The following USP24 variants were observed in gnomAD, a reference collection of about 807,000 sequenced individuals.
USP24 encodes ubiquitin carboxyl-terminal hydrolase 24.
USP24 carries 97 observed loss-of-function variants against 361.6 expected under a neutral mutation model. The ratio of observed to expected loss-of-function variants is 0.27; its 90% CI spans 0.23 to 0.32. The LOEUF (loss-of-function observed/expected upper bound fraction) is 0.32. Among genes scored for constraint, USP24 ranks in the 10% least tolerant of loss-of-function variants. USP24 has a pLI of 1.00. For synonymous variants in USP24, 1,098 were observed against 1,124.6 expected, an observed-to-expected ratio of 0.98 and a Z score of 0.47; for missense variants, 2,353 against 3,165.6, an observed-to-expected ratio of 0.74 and a Z score of 6.16.
At chr1:55,106,477 G>A (rs1645776801) in intron 40 of USP24, among the ~76,000 whole-genome samples, 1 of 152,190 alleles carries the variant, frequency 6.6e-6, no homozygotes, top group South Asian at 2.1e-4. Flanking sequence ...ACAGGCAGGT[G>A]AGGGTGTGTT....
At chr1:55,166,109 G>T (rs1759499) in intron 6 of USP24, among the ~76,000 whole-genome samples, 159 bp from the exon 7 acceptor site, 78,939 of 150,456 alleles carry the variant, frequency 0.52, 22,818 homozygotes, top group East Asian at 0.78. Flanking sequence ...GGAGAATGGG[G>T]TTTCCATCCC....
At chr1:55,192,662 T>C (rs1187997982) in intron 1 of USP24, among the ~76,000 whole-genome samples, 3 of 152,262 alleles carry the variant, frequency 2.0e-5, no homozygotes, top group African/African-American at 7.2e-5. Context: ...TTGTCAGTTT[T>C]ACTAAATATT....
chr1:55,107,511 A>G, intron 39 of USP24, 81 bp from the exon 40 acceptor site: 1 of 1,402,302 alleles, frequency 7.1e-7, no homozygotes, highest in Non-Finnish European at 9.4e-7. Context: ...AAAGTAAGCA[A>G]AGTCAAGCCC....
chr1:55,181,580 T>C (rs1459867206), intron 1 of USP24, among the ~76,000 whole-genome samples: 5 of 152,222 alleles, frequency 3.3e-5, no homozygotes, highest in Non-Finnish European at 7.3e-5. Context: ...TTAAGTCATA[T>C]AAAAACAAAA....
intron 1 of USP24, among the ~76,000 whole-genome samples, chr1:55,196,297 C>A (rs1644415108): frequency 6.6e-6 from 1 of 152,064 alleles, no homozygotes; most frequent in Admixed American, 6.5e-5. Context: ...ACTGAGGCTC[C>A]CCCTTGGTGA....
At chr1:55,076,743 C>T (rs549194008) in intron 62 of USP24, among the ~76,000 whole-genome samples, 1 of 152,286 alleles carries the variant, frequency 6.6e-6, no homozygotes, top group Admixed American at 6.5e-5. Context: ...CTGCTCTTCA[C>T]ACTTCTGAGA....
chr1:55,083,056 T>C (rs1240190972), intron 58 of USP24, among the ~76,000 whole-genome samples: 1 of 152,166 alleles, frequency 6.6e-6, no homozygotes, highest in Non-Finnish European at 1.5e-5. Flanking sequence ...CCTTTCCCTC[T>C]TATGACTTTG....
chr1:55,085,860 C>G (rs929038934), intron 56 of USP24, 82 bp downstream of exon 56: 9 of 1,425,368 alleles, frequency 6.3e-6, no homozygotes, highest in Non-Finnish European at 8.8e-6. Flanking sequence ...GACTCCAATC[C>G]TAGGCTCTTT....
intron 56 of USP24, 102 bp from the exon 57 acceptor site, chr1:55,083,990 G>A: frequency 4.4e-6 from 4 of 902,738 alleles, no homozygotes; most frequent in Non-Finnish European, 6.8e-6. Flanking sequence ...CAAAAGGAAA[G>A]TCTGATACAA....
intron 1 of USP24, among the ~76,000 whole-genome samples, chr1:55,200,314 T>C (rs902942420): frequency 8.5e-5 from 13 of 152,202 alleles, no homozygotes; most frequent in Admixed American, 2.0e-4. Context: ...ATAAGCTATA[T>C]TGAAAAAGCA....
At chr1:55,129,082 C>T (rs1448502199) in intron 32 of USP24, among the ~76,000 whole-genome samples, 2 of 152,072 alleles carry the variant, frequency 1.3e-5, no homozygotes, top group African/African-American at 2.4e-5. Context: ...CCATCAGCTG[C>T]CTCTCAAAGG....
intron 44 of USP24, 72 bp downstream of exon 44, chr1:55,100,767 C>A: frequency 1.4e-6 from 2 of 1,425,954 alleles, no homozygotes; most frequent in South Asian, 1.7e-5. Context: ...AACAAAAAAC[C>A]ATTACCATTA....
chr1:55,163,431 C>T (rs1467795202), intron 7 of USP24, among the ~76,000 whole-genome samples: 1 of 151,992 alleles, frequency 6.6e-6, no homozygotes, highest in African/African-American at 2.4e-5. Flanking sequence ...TAACAAAACA[C>T]GTCACCCAAA....
At chr1:55,095,534 G>T in intron 50 of USP24, 138 bp from the exon 51 acceptor site, 1 of 943,124 alleles carries the variant, frequency 1.1e-6, no homozygotes, top group Non-Finnish European at 1.5e-6. Context: ...TAAGTAAAAT[G>T]TGAGTGTCTT....
intron 1 of USP24, among the ~76,000 whole-genome samples, chr1:55,208,687 C>T (rs1644772691): frequency 6.6e-6 from 1 of 151,198 alleles, no homozygotes. Context: ...GCTGTAATCC[C>T]AGCACTCTGG....
intron 63 of USP24, among the ~76,000 whole-genome samples, chr1:55,074,815 A>G (rs1644992820): frequency 6.6e-6 from 1 of 152,132 alleles, no homozygotes; most frequent in Non-Finnish European, 1.5e-5. Context: ...AAAACTTTTT[A>G]GCTTAAATCT....
chr1:55,159,816 C>A, intron 8 of USP24, 131 bp from the exon 9 acceptor site: 1 of 759,162 alleles, frequency 1.3e-6, no homozygotes, highest in South Asian at 1.9e-5. Flanking sequence ...ATCAGAGCAG[C>A]TACTAACTAG....
intron 24 of USP24, 132 bp from the exon 25 acceptor site, chr1:55,139,142 A>G: frequency 1.3e-6 from 1 of 774,566 alleles, no homozygotes; most frequent in South Asian, 2.0e-5. Context: ...TGCAAAGATT[A>G]AACTTCCCTT....
At chr1:55,171,515 A>G in intron 5 of USP24, 41 bp downstream of exon 5, 2 of 1,564,632 alleles carry the variant, frequency 1.3e-6, no homozygotes, top group South Asian at 2.4e-5. Context: ...TTCTTTTTCA[A>G]TACATTTTTC....
Sources: allele counts gnomAD v4.1 joint callset (sites outside exome capture counted in the v4.1 genomes callset), GRCh38; gene constraint gnomAD v4.1.1; transcripts MANE v1.5; gene names NCBI Gene and HGNC (gene_info 2026-07-23, HGNC 2026-07-21).